Variants in DYNC1I2 observed in about 807,000 individuals in gnomAD.
DYNC1I2 encodes dynein cytoplasmic 1 intermediate chain 2.
A neutral mutation model predicts 88.6 loss-of-function variants in DYNC1I2; 53 were observed. The observed-to-expected ratio is 0.60, with a 90% confidence interval of 0.48 to 0.75. DYNC1I2 has a LOEUF of 0.75. DYNC1I2 is among the 30% of genes least tolerant of loss of function. DYNC1I2 has a pLI of 0.00. For synonymous variants in DYNC1I2, 198 were observed against 254.6 expected (o/e 0.78, Z 2.12); for missense variants, 458 against 766.6 (o/e 0.60, Z 4.75).
In DYNC1I2 at chr2:171,707,363, C is replaced by T. The variant is rs753569691; in HGVS notation, c.321C>T (p.Gly107=). Residue 107 remains glycine (G), a synonymous_variant, in exon 5 of 18, where the codon GGC becomes GGT. Coordinates refer to ENST00000397119, the MANE Select transcript of DYNC1I2 (RefSeq NM_001378.3). ...CTGGAAGCCAAGACTCTGGAGATGGCGCCGTGGGATCTAGGTACAGTAATT... is the reference window on the plus strand; with the variant it reads ...CTGGAAGCCAAGACTCTGGAGATGGTGCCGTGGGATCTAGGTACAGTAATT... ...SEAGSQDSGD[G]AVGSRTLHWD... is the part of the protein sequence containing the mutation. The T allele has an allele frequency of 1.2e-5, 19 of 1,612,680 alleles. 1 individual carries two copies. Among genetic ancestry groups the T allele is most frequent in the Admixed American group, 5.0e-5 (3 of 59,754 alleles).
Position 171,747,828 on chromosome 2 carries a change from C to A in DYNC1I2, c.1856C>A (p.Ala619Glu). 2 of 1,611,346 alleles carry A rather than the reference C, an allele frequency of 1.2e-6. No homozygotes were observed. The highest frequency in any genetic ancestry group is 1.7e-6 in the Non-Finnish European group (2 of 1,179,492). Residue 619 changes from alanine (A) to glutamate (E), a missense_variant, in exon 18 of 18, where the codon GCA (alanine) becomes GAA (glutamate). Physicochemically the swap from Ala to Glu is moderately radical, Grantham distance 107. This residue lies in a region of DYNC1I2 where 188 missense variants were observed against 300.4 expected (regional missense o/e 0.63). Coordinates refer to ENST00000397119, the MANE Select transcript of DYNC1I2 (RefSeq NM_001378.3). ...TGGGCACGGTTTGGCCGAACACTTG[C>A]AGAAATTAATGCAAACCGAGCTGAT... The part of the protein sequence containing the change: ...DEWARFGRTL[A>E]EINANRADAE...
At chr2:171,723,142 A>G (rs1688008890) in intron 7 of DYNC1I2, among the ~76,000 whole-genome samples, 2 of 152,244 alleles carry the variant, frequency 1.3e-5, no homozygotes, top group African/African-American at 2.4e-5. Flanking sequence ...GCACTAAAGT[A>G]CTGACCATAT....
At chr2:171,703,051 A>G (rs1399083985) in intron 3 of DYNC1I2, among the ~76,000 whole-genome samples, 1 of 152,056 alleles carries the variant, frequency 6.6e-6, no homozygotes, top group Non-Finnish European at 1.5e-5. Context: ...TTATTTGGCA[A>G]CTTGATGACT....
intron 6 of DYNC1I2, 29 bp from the exon 7 acceptor site, chr2:171,715,299 A>G (rs199747085): frequency 7.2e-7 from 1 of 1,384,038 alleles, no homozygotes; most frequent in African/African-American, 1.4e-5. Context: ...TGTAGTTAAA[A>G]TTGTGTTGTT....
intron 5 of DYNC1I2, 108 bp downstream of exon 5, chr2:171,707,485 A>G (rs1686772871): frequency 1.1e-6 from 1 of 923,040 alleles, no homozygotes; most frequent in African/African-American, 1.7e-5. Flanking sequence ...TAGTCCTAAC[A>G]TTTTAAAATC....
At chr2:171,724,651 A>C (rs1688116657) in intron 7 of DYNC1I2, among the ~76,000 whole-genome samples, 2 of 152,342 alleles carry the variant, frequency 1.3e-5, no homozygotes, top group South Asian at 4.1e-4. Context: ...GACTACAGCA[A>C]GTAAAGTCCC....
chr2:171,720,031 A>ATT (rs36082906), intron 7 of DYNC1I2, among the ~76,000 whole-genome samples: 56 of 141,932 alleles, frequency 3.9e-4, no homozygotes, highest in Middle Eastern at 3.6e-3. Context: ...TTCTGTATGG[A>ATT]TTTTTTTTTT....
At chr2:171,734,286 G>A (rs1688852441) in intron 15 of DYNC1I2, among the ~76,000 whole-genome samples, 1 of 152,138 alleles carries the variant, frequency 6.6e-6, no homozygotes, top group African/African-American at 2.4e-5. Context: ...AAAATAAAGA[G>A]TTCATCTTGA....
At chr2:171,745,760 G>C (rs779617052) in intron 16 of DYNC1I2, 42 bp from the exon 17 acceptor site, 1 of 1,577,722 alleles carries the variant, frequency 6.3e-7, no homozygotes, top group Non-Finnish European at 8.6e-7. Flanking sequence ...TAGAAATCTT[G>C]ATGAAACTTT....
rs529161554 is a variant in DYNC1I2 at position 171,736,894 on chromosome 2, A to G, written c.1536+7041A>G. On this transcript the variant is annotated intron_variant, in intron 15 of 17. Coordinates refer to ENST00000397119, the MANE Select transcript of DYNC1I2 (RefSeq NM_001378.3). ...ACTATTATCTTCACGTGTTTAATGT[A>G]GGGACTATCTTTGTTATTAATCTAG... Among the ~76,000 whole-genome samples, 73 of 152,312 alleles carry G rather than the reference A, an allele frequency of 4.8e-4. 1 individual carries two copies. Among genetic ancestry groups the G allele is most frequent in the African/African-American group, 1.7e-3 (71 of 41,580 alleles).
At chr2:171,705,710 T>G (rs1169992629) in intron 3 of DYNC1I2, among the ~76,000 whole-genome samples, 1 of 152,072 alleles carries the variant, frequency 6.6e-6, no homozygotes, top group East Asian at 1.9e-4. Context: ...TCTTCTACTT[T>G]AGATGAAAAT....
intron 3 of DYNC1I2, among the ~76,000 whole-genome samples, chr2:171,697,705 A>G (rs1168772767): frequency 2.6e-5 from 4 of 151,804 alleles, no homozygotes; most frequent in Non-Finnish European, 5.9e-5. Context: ...AAAGAAAAAC[A>G]AAATTAGCCA....
chr2:171,747,540 G>C (rs1271382681), intron 17 of DYNC1I2, among the ~76,000 whole-genome samples: 7 of 152,044 alleles, frequency 4.6e-5, no homozygotes. Context: ...ATTCTCTCTT[G>C]CATTGGTGGT....
At chr2:171,718,720 A>G (rs1687697456) in intron 7 of DYNC1I2, among the ~76,000 whole-genome samples, 1 of 152,148 alleles carries the variant, frequency 6.6e-6, no homozygotes, top group African/African-American at 2.4e-5. Flanking sequence ...GGTGTGAGCC[A>G]CTGCCCCGGC....
chr2:171,697,404 A>G (rs1192642356), intron 3 of DYNC1I2, among the ~76,000 whole-genome samples: 3 of 152,140 alleles, frequency 2.0e-5, no homozygotes, highest in Non-Finnish European at 4.4e-5. Context: ...GGGTGGGCCA[A>G]TTGGTTTGTA....
At chr2:171,702,659 C>T (rs887238397) in intron 3 of DYNC1I2, among the ~76,000 whole-genome samples, 14 of 150,942 alleles carry the variant, frequency 9.3e-5, no homozygotes, top group Non-Finnish European at 2.1e-4. Flanking sequence ...TTTTTTCCTA[C>T]TAAAAACAAT....
intron 5 of DYNC1I2, 67 bp from the exon 6 acceptor site, chr2:171,712,700 A>G: frequency 9.3e-7 from 1 of 1,079,032 alleles, no homozygotes; most frequent in South Asian, 1.3e-5. Context: ...TATTCATAGA[A>G]TGTATTTGCT....
rs780139411 is a variant in DYNC1I2, at chr2:171,715,394, C to T, written c.462C>T (p.Val154=). 1 of 1,569,886 alleles carries T rather than the reference C, an allele frequency of 6.4e-7. No individual in the cohort carries two copies. The highest frequency in any genetic ancestry group is 1.4e-5 in the African/African-American group (1 of 74,060). The change falls in exon 7 of 18, where the codon GTC becomes GTT. Residue 154 remains valine (V), a synonymous_variant. Transcript: ENST00000397119. ...TQVDFPPREI[V]TYTKETQTPV... ...TCGACTTTCCTCCTCGAGAAATTGT[C>T]ACGTATACAAAGGAAACTCAGACTC...
intron 3 of DYNC1I2, among the ~76,000 whole-genome samples, chr2:171,698,901 G>C (rs1028152906): frequency 4.6e-5 from 7 of 151,992 alleles, no homozygotes; most frequent in African/African-American, 1.7e-4. Context: ...GTCTCGCCGT[G>C]TTGCCTAGGC....
Sources: gnomAD v4.1 joint callset for allele counts (sites outside exome capture counted in the v4.1 genomes callset) on GRCh38, gnomAD v4.1.1 for gene constraint, gnomAD v4.1.1 regional missense constraint, MANE v1.5 for transcripts, NCBI Gene and HGNC (gene_info 2026-07-23, HGNC 2026-07-21) for gene names.